RBBP8NL: variants seen among roughly 807,000 people sequenced by gnomAD.
RBBP8NL encodes RBBP8 N-terminal-like protein.
A neutral mutation model predicts 62.2 loss-of-function variants in RBBP8NL; 59 were observed. The observed-to-expected ratio is 0.95, with a 90% confidence interval of 0.77 to 1.18. The LOEUF is 1.18. Ranked by LOEUF, RBBP8NL falls within the 50% of genes most tolerant of loss-of-function variation. The probability of loss-of-function intolerance (pLI) is 0.00; values close to 1 mark genes in which losing one functional copy is unlikely to be tolerated. For synonymous variants in RBBP8NL, 412 were observed against 394.1 expected, an observed-to-expected ratio of 1.05 and a Z score of -0.54; for missense variants, 896 against 899.5, an observed-to-expected ratio of 1.00 and a Z score of 0.05.
intron 1 of RBBP8NL, among the ~76,000 whole-genome samples, chr20:62,421,363 T>C (rs1337226600): frequency 6.8e-6 from 1 of 147,504 alleles, no homozygotes; most frequent in Non-Finnish European, 1.5e-5. Flanking sequence ...CCAGTGTGCA[T>C]GTGTGTGTGC....
rs112513253 is a variant in RBBP8NL at position 62,417,606 on chromosome 20, C to T, written c.105-287G>A. Among the ~76,000 whole-genome samples the T allele has an allele frequency of 9.7e-3, 1,006 of 103,474 alleles. 46 individuals carry two copies. Among genetic ancestry groups the T allele is most frequent in the African/African-American group, 0.036 (844 of 23,506 alleles). 67.9% of individuals were successfully genotyped at this position (103,474 alleles called of 152,430 possible). On this transcript the variant is annotated intron_variant, in intron 3 of 13. Transcript: ENST00000252998. Reference sequence around the variant, plus strand: ...TCCTCTGTGACGTCTGTTCCGTCCACGCACCACCCCCCCCAGTCATCTGCA... The same window carrying T: ...TCCTCTGTGACGTCTGTTCCGTCCATGCACCACCCCCCCCAGTCATCTGCA...
chr20:62,413,511 C>G lies in RBBP8NL; in HGVS notation c.1565G>C (p.Ser522Thr), dbSNP rs763489004. ...PSRPLPGSQLSLSSPGSTEDE... is the reference protein window; with the variant it reads ...PSRPLPGSQLTLSSPGSTEDE... ...TTCTGTACTGCCTGGAGAGGACAGG[C>G]TGAGCTGGGACCCTGGAAGTGGGCG... Residue 522 changes from serine to threonine, a missense_variant, in exon 11 of 14, where the codon AGC (serine) becomes ACC (threonine). Coordinates refer to ENST00000252998, the MANE Select transcript of RBBP8NL (RefSeq NM_080833.3). 6.6e-7 allele frequency: 1 copy of G among 1,521,696 alleles called. No homozygotes were observed. Among genetic ancestry groups the G allele is most frequent in the South Asian group, 1.3e-5 (1 of 76,976 alleles). The allele number at this position is 1,521,696 out of a possible 1,614,324, so 94.3% of individuals were successfully genotyped here. A position where few individuals can be genotyped will look rare whatever the true frequency, so the allele number is the denominator to read the frequency against.
chr20:62,423,997 G>T (rs995240541), intron 1 of RBBP8NL, among the ~76,000 whole-genome samples: 1 of 151,732 alleles, frequency 6.6e-6, no homozygotes, highest in African/African-American at 2.4e-5. Flanking sequence ...GGGGGAACTC[G>T]GAAGGAGGGT....
rs189446620 is a variant in RBBP8NL, at chr20:62,424,298, G to T, written c.-84+3162C>A. ...CCTGCTGCTTGCAGCTGGGCCGTGG[G>T]GGGGGCAGGTGTGAGGGGCGCATGT... On this transcript the variant is annotated intron_variant, in intron 1 of 13. Coordinates refer to ENST00000252998, the MANE Select transcript of RBBP8NL (RefSeq NM_080833.3). Among the ~76,000 whole-genome samples the T allele has an allele frequency of 4.9e-3, 753 of 152,146 alleles. 11 individuals carry two copies. The highest frequency in any genetic ancestry group is 0.017 in the African/African-American group (700 of 41,532).
intron 4 of RBBP8NL, 25 bp from the exon 5 acceptor site, chr20:62,416,897 T>C (rs1244681972): frequency 1.3e-6 from 2 of 1,503,048 alleles, no homozygotes; most frequent in African/African-American, 1.4e-5. Flanking sequence ...ACGCAGGGGG[T>C]GTGAGGGATG....
intron 1 of RBBP8NL, among the ~76,000 whole-genome samples, chr20:62,426,956 AG>A (rs1988824124): frequency 6.6e-6 from 1 of 151,808 alleles, no homozygotes; most frequent in Non-Finnish European, 1.5e-5. Flanking sequence ...CCCGTGGGGG[AG>A]GGGGTTGAGC....
At chr20:62,416,949 T>C in intron 4 of RBBP8NL, 77 bp from the exon 5 acceptor site, 2 of 1,125,548 alleles carry the variant, frequency 1.8e-6, no homozygotes, top group South Asian at 2.8e-5. Context: ...ACTGCCCCAC[T>C]GCTGGGAAGT....
In RBBP8NL at chr20:62,416,799, T is replaced by C; in HGVS notation, c.274A>G (p.Ser92Gly). 6.3e-7 allele frequency: 1 copy of C among 1,590,682 alleles called. No homozygotes were observed. Among genetic ancestry groups the C allele is most frequent in the Non-Finnish European group, 8.6e-7 (1 of 1,168,416 alleles). ...CGCTGCAGGTTCTGCAGGTGGGAGC[T>C]CTCGAACTCCTGCTGCCGCTTCCTG... ...LARKRQQEFE[S>G]SHLQNLQRIF... The change falls in exon 5 of 14, where the codon AGC (serine) becomes GGC (glycine). Residue 92 changes from serine (S) to glycine (G), a missense_variant. Ser to Gly is a moderately conservative substitution (Grantham distance 56, BLOSUM62 0). Coordinates refer to ENST00000252998, the MANE Select transcript of RBBP8NL (RefSeq NM_080833.3).
intron 13 of RBBP8NL, among the ~76,000 whole-genome samples, chr20:62,411,526 A>T (rs1270676339): frequency 6.6e-6 from 1 of 152,240 alleles, no homozygotes; most frequent in Non-Finnish European, 1.5e-5. Context: ...TCTCAGCCTC[A>T]ATTTCTGCAC....
chr20:62,415,860 T>A lies in RBBP8NL; in HGVS notation c.472A>T (p.Ile158Phe). The change falls in exon 7 of 14, where the codon ATC becomes TTC. Residue 158 changes from isoleucine (I) to phenylalanine (F), a missense_variant. Physicochemically the swap from Ile to Phe is conservative, Grantham distance 21. Transcript: ENST00000252998. ...TGGCCTCCCGGTGGCTTCTCTGTGA[T>A]GGCCTTCCAGCCACCAGGGGAGGGG... ...LLPSPGGWKA[I>F]TEKPPGGHEE... is the part of the protein sequence containing the mutation. The A allele has an allele frequency of 6.2e-7, 1 of 1,611,770 alleles. No individual in the cohort carries two copies. Among genetic ancestry groups the A allele is most frequent in the Non-Finnish European group, 8.5e-7 (1 of 1,179,674 alleles).
In RBBP8NL at chr20:62,415,325, C is replaced by T. The variant is rs757851520; in HGVS notation, c.628-38G>A. ...GTGGGTCAGCCTGGGCGGGGGCATG[C>T]GTGGCCTCTGCTGTGGCCTCTGCCA... is the stretch of plus-strand genomic sequence containing the variant. On this transcript the variant is annotated intron_variant, in intron 8 of 13. Coordinates refer to ENST00000252998, the MANE Select transcript of RBBP8NL (RefSeq NM_080833.3). 5.9e-6 allele frequency: 9 copies of T among 1,538,388 alleles called. No individual in the cohort carries two copies. In the East Asian group the frequency reaches 7.1e-5, roughly 12 times the overall value.
chr20:62,415,748 G>A lies in RBBP8NL; in HGVS notation c.544+40C>T, dbSNP rs374362850. The A allele has an allele frequency of 4.8e-5, 77 of 1,608,756 alleles. No homozygotes were observed. In the Middle Eastern group the frequency reaches 6.6e-4, roughly 14 times the overall value. ...CCAGGGGGAGGATCCCTGGTCCTGC[G>A]GGGGCCCAGCCTCCCAGCCTCACCC... On this transcript the variant is annotated intron_variant, in intron 7 of 13. Coordinates refer to ENST00000252998, the MANE Select transcript of RBBP8NL (RefSeq NM_080833.3).
intron 1 of RBBP8NL, among the ~76,000 whole-genome samples, chr20:62,421,835 G>A (rs528864000): frequency 9.7e-5 from 14 of 144,276 alleles, no homozygotes; most frequent in East Asian, 4.3e-4. Flanking sequence ...GTGCACACCC[G>A]AGCCAGTGTG....
At chr20:62,420,939 C>T (rs753404642) in intron 1 of RBBP8NL, among the ~76,000 whole-genome samples, 10 of 152,254 alleles carry the variant, frequency 6.6e-5, no homozygotes, top group Non-Finnish European at 1.2e-4. Flanking sequence ...GAGCACTCAT[C>T]GTCAAACCCT....
At position 62,414,004 on chromosome 20, in the gene RBBP8NL, C is replaced by T; in HGVS notation, c.1347G>A (p.Arg449=). ...DKPLDLSEWG[R]ARGQDTPKPA... is the part of the protein sequence containing the mutation. ...GCTTGGGAGTGTCCTGGCCCCGGGC[C>T]CGGCCCCACTCCGAGAGGTCCAGGG... The change falls in exon 10 of 14, where the codon CGG becomes CGA. Residue 449 remains arginine (R), a synonymous_variant. Coordinates refer to ENST00000252998, the MANE Select transcript of RBBP8NL (RefSeq NM_080833.3). The T allele has an allele frequency of 3.8e-6, 6 of 1,573,772 alleles. No individual in the cohort carries two copies. Among genetic ancestry groups the T allele is most frequent in the African/African-American group, 2.7e-5 (2 of 74,104 alleles).
Position 62,415,237 on chromosome 20 carries a change from C to G in RBBP8NL, c.678G>C (p.Arg226=). Residue 226 remains arginine, a synonymous_variant, in exon 9 of 14, where the codon CGG becomes CGC. Coordinates refer to ENST00000252998, the MANE Select transcript of RBBP8NL (RefSeq NM_080833.3). ...CGGCAGGGCAAGCCTGGGACCCAGG[C>G]CGCACCACGGCAATGGTCCCGTGCA... ...NQLHGTIAVV[R]PGSQACPADR... is the part of the protein sequence containing the mutation. The G allele has an allele frequency of 1.3e-6, 2 of 1,552,800 alleles. No individual in the cohort carries two copies. Among genetic ancestry groups the G allele is most frequent in the Non-Finnish European group, 1.7e-6 (2 of 1,152,792 alleles).
intron 5 of RBBP8NL, 145 bp from the exon 6 acceptor site, chr20:62,416,381 G>T: frequency 1.4e-6 from 1 of 725,980 alleles, no homozygotes. Flanking sequence ...CGCCGTGGAT[G>T]CTGGCTGCGT....
Position 62,413,398 on chromosome 20 carries a change from T to C in RBBP8NL, c.1675+3A>G, listed in dbSNP as rs1292250504. ...GGACTCTGACCCCAGGTGCTGACTG[T>C]ACCTGGGTGGCCGTCCAGGTCAGGC... is the stretch of plus-strand genomic sequence containing the variant. On this transcript the variant is annotated splice_donor_region_variant and intron_variant, in intron 11 of 13. Coordinates refer to ENST00000252998, the MANE Select transcript of RBBP8NL (RefSeq NM_080833.3). 1 of 1,436,802 alleles carries C rather than the reference T, an allele frequency of 7.0e-7. No homozygotes were observed. 89.0% of individuals were successfully genotyped at this position (1,436,802 alleles called of 1,614,324 possible).
In RBBP8NL at chr20:62,416,841, C is replaced by G. The variant is rs771980216; in HGVS notation, c.232G>C (p.Val78Leu). 27 of 1,578,506 alleles carry G rather than the reference C, an allele frequency of 1.7e-5. No homozygotes were observed. The highest frequency in any genetic ancestry group is 2.7e-5 in the African/African-American group (2 of 74,236). The change falls in exon 5 of 14, where the codon GTC becomes CTC. Residue 78 changes from valine (V) to leucine (L), a missense_variant. Val to Leu is a conservative substitution (Grantham distance 32). Coordinates refer to ENST00000252998, the MANE Select transcript of RBBP8NL (RefSeq NM_080833.3). ...CGCTTCCTGGCCAGCTCCTGGGTGA[C>G]CATGCAGCGGTCGCACAGGCCGGCC... ...LRAGLCDRCM[V>L]TQELARKRQQ...
Sources: allele counts gnomAD v4.1 joint callset (sites outside exome capture counted in the v4.1 genomes callset), GRCh38; gene constraint gnomAD v4.1.1; transcripts MANE v1.5; gene names NCBI Gene and HGNC (gene_info 2026-07-23, HGNC 2026-07-21).